The following BDNF variants were observed in gnomAD, a reference collection of about 807,000 sequenced individuals.
BDNF encodes the protein neurotrophic factor BDNF precursor form.
Under a neutral mutation model 19.5 loss-of-function variants are expected in BDNF, and 1 was observed. The observed-to-expected ratio is 0.05, with a 90% CI of 0.02 to 0.24. The LOEUF (loss-of-function observed/expected upper bound fraction) is 0.24, where lower values mean the gene tolerates loss of function less well. BDNF is among the 10% of genes least tolerant of loss of function. The probability of loss-of-function intolerance (pLI) is 1.00; values close to 1 mark genes in which losing one functional copy is unlikely to be tolerated. For missense variants in BDNF, 195 were observed against 317.6 expected, an observed-to-expected ratio of 0.61 and a Z score of 2.93; for synonymous variants, 100 against 121.6, an observed-to-expected ratio of 0.82 and a Z score of 1.17.
intron 1 of BDNF, among the ~76,000 whole-genome samples, chr11:27,695,953 A>G (rs1333955955): frequency 6.6e-6 from 1 of 152,108 alleles, no homozygotes; most frequent in Non-Finnish European, 1.5e-5. Context: ...ATTTTTCTAC[A>G]GAAAAGAGAA....
intron 1 of BDNF, 60 bp downstream of exon 1, chr11:27,700,104 C>T: frequency 1.0e-6 from 1 of 986,212 alleles, no homozygotes; most frequent in Non-Finnish European, 1.2e-6. Context: ...ATCCCCCAGT[C>T]AACTCTCTCC....
chr11:27,677,295 T>C (rs1004495326), intron 1 of BDNF: 58 of 152,210 alleles, frequency 3.8e-4, no homozygotes, highest in African/African-American at 1.4e-3. Flanking sequence ...AAATTATACA[T>C]GATTTTTCCT....
rs764711746 is a variant in BDNF at position 27,658,076 on chromosome 11, C to T, written c.489G>A (p.Thr163=). 53 of 1,613,990 alleles carry T rather than the reference C, an allele frequency of 3.3e-5. No individual in the cohort carries two copies. The highest frequency in any genetic ancestry group is 6.7e-5 in the African/African-American group (5 of 74,890). Reference sequence around the variant, plus strand: ...CAGGGACCTTTTCAAGGACTGTGACCGTCCCGCCCGACATGTCCACTGCAG... The same window carrying T: ...CAGGGACCTTTTCAAGGACTGTGACTGTCCCGCCCGACATGTCCACTGCAG... ...KKTAVDMSGG[T]VTVLEKVPVS... Residue 163 remains threonine, a synonymous_variant, in exon 2 of 2, where the codon ACG becomes ACA. Coordinates refer to ENST00000356660, the MANE Select transcript of BDNF (RefSeq NM_001709.5). This position sits in a 1 kb window ranked among gnomAD's most constrained non-coding sequence, Gnocchi z 5.7.
intron 1 of BDNF, among the ~76,000 whole-genome samples, chr11:27,710,739 A>G (rs1013804895): frequency 6.6e-6 from 1 of 152,232 alleles, no homozygotes. Context: ...CTGCAGTATT[A>G]TAGCCAGTAA....
chr11:27,657,450 TG>T lies in BDNF; in HGVS notation c.*370del, dbSNP rs1173889625. On this transcript the variant is annotated 3_prime_UTR_variant, in exon 2 of 2. Coordinates refer to ENST00000356660, the MANE Select transcript of BDNF (RefSeq NM_001709.5). The surrounding 1 kb of genome is among the most constrained non-coding windows in gnomAD (Gnocchi z 5.0). ...GGAATGTTTTGGTTCAAATTTTTGT[TG>T]TGTGTGTGTGTGTTTTTTTTCTGTT... 1.0e-6 allele frequency: 1 copy of T among 986,296 alleles called. No individual in the cohort carries two copies. The highest frequency in any genetic ancestry group is 1.2e-6 in the Non-Finnish European group (1 of 832,476). 61.1% of individuals were successfully genotyped at this position (986,296 alleles called of 1,614,324 possible).
chr11:27,677,630 A>G (rs1258472528), intron 1 of BDNF: 1 of 152,214 alleles, frequency 6.6e-6, no homozygotes, highest in Non-Finnish European at 1.5e-5. Flanking sequence ...TTCACAAGAA[A>G]CTAATACAAA....
chr11:27,700,998 C>G (rs370909786), upstream of BDNF: 110 of 1,361,810 alleles, frequency 8.1e-5, no homozygotes, highest in African/African-American at 1.5e-3. Flanking sequence ...CACTACGGAG[C>G]TTGCGAACGC....
chr11:27,668,663 G>C (rs1037496600), intron 1 of BDNF, among the ~76,000 whole-genome samples: 1 of 152,084 alleles, frequency 6.6e-6, no homozygotes, highest in Admixed American at 6.6e-5. Context: ...AAACCTAAAA[G>C]AAATTTATAA....
chr11:27,712,549 C>T (rs922872974), intron 1 of BDNF, among the ~76,000 whole-genome samples: 1 of 149,886 alleles, frequency 6.7e-6, no homozygotes, highest in Non-Finnish European at 1.5e-5. Context: ...CAAAGTCTCA[C>T]TGTGTCATCC....
chr11:27,700,535 C>G (rs1284860554), upstream of BDNF: 112 of 658,178 alleles, frequency 1.7e-4, no homozygotes, highest in Non-Finnish European at 1.8e-4. Context: ...CCCCCCCCCG[C>G]CCCCCGCCCC....
intron 1 of BDNF, among the ~76,000 whole-genome samples, chr11:27,721,190 A>AC (rs968441605): frequency 8.0e-5 from 12 of 150,434 alleles, no homozygotes; most frequent in East Asian, 7.8e-4. Flanking sequence ...TATAACACAC[A>AC]CCCCCCCACC....
At chr11:27,674,350 G>A in intron 1 of BDNF, 1 of 1,533,136 alleles carries the variant, frequency 6.5e-7, no homozygotes, top group Non-Finnish European at 8.8e-7. Flanking sequence ...TAACTGTAAA[G>A]CACAGGAAAG....
At chr11:27,663,743 G>C (rs1015351215) in intron 1 of BDNF, among the ~76,000 whole-genome samples, 1 of 152,196 alleles carries the variant, frequency 6.6e-6, no homozygotes. Flanking sequence ...CCACAGAGAA[G>C]AGAGTGGCTG....
chr11:27,664,718 G>A (rs1257155335), intron 1 of BDNF, among the ~76,000 whole-genome samples: 1 of 152,174 alleles, frequency 6.6e-6, no homozygotes, highest in Non-Finnish European at 1.5e-5. Flanking sequence ...AAGAAGTTGA[G>A]GCTACAGTGA....
chr11:27,659,117 G>A, intron 1 of BDNF: 1 of 1,004,834 alleles, frequency 1.0e-6, no homozygotes, highest in Non-Finnish European at 1.2e-6. Context: ...TAAAACAGCA[G>A]TTGGGGAACT....
At chr11:27,708,528 C>A (rs114816274) in intron 1 of BDNF, among the ~76,000 whole-genome samples, 9 of 151,730 alleles carry the variant, frequency 5.9e-5, no homozygotes, top group African/African-American at 1.7e-4. Context: ...TTTGGAAATT[C>A]ATATTGTTAT....
chr11:27,663,959 G>C (rs926874789), intron 1 of BDNF, among the ~76,000 whole-genome samples: 7 of 151,988 alleles, frequency 4.6e-5, no homozygotes, highest in Non-Finnish European at 1.0e-4. Context: ...TGCAAAAATT[G>C]TAGCATGTTA....
chr11:27,670,068 C>T lies in BDNF; in HGVS notation c.-21-11483G>A, dbSNP rs369380118. 2.4e-4 allele frequency among the ~76,000 whole-genome samples: 37 copies of T among 152,184 alleles called. No individual in the cohort carries two copies. In the South Asian group the frequency reaches 6.4e-3, roughly 26 times the overall value. On this transcript the variant is annotated intron_variant, in intron 1 of 1. Transcript: ENST00000356660. ...ACTGGTACCAAAACAGAGATATAGA[C>T]CAATGGAACAGAACAGAGCCCTCAG...
chr11:27,711,964 G>A (rs1198377660), intron 1 of BDNF, among the ~76,000 whole-genome samples: 1 of 152,124 alleles, frequency 6.6e-6, no homozygotes, highest in Non-Finnish European at 1.5e-5. Context: ...GGGTAATGGG[G>A]TTGTGCTGGT....
Sources: allele counts gnomAD v4.1 joint callset (sites outside exome capture counted in the v4.1 genomes callset), GRCh38; gene constraint gnomAD v4.1.1; non-coding constraint Gnocchi (gnomAD v3.1); transcripts MANE v1.5; gene names NCBI Gene and HGNC (gene_info 2026-07-23, HGNC 2026-07-21).